Variants in PIK3C2G observed in about 807,000 individuals in gnomAD.
PIK3C2G encodes phosphatidylinositol 3-kinase C2 domain-containing subunit gamma.
In PIK3C2G, 168 loss-of-function variants were observed where a neutral mutation model predicts 181.1. The ratio of observed to expected loss-of-function variants is 0.93; its 90% CI spans 0.82 to 1.05. The LOEUF is 1.05. PIK3C2G is among the 50% of genes least tolerant of loss of function. PIK3C2G has a pLI of 0.00. For synonymous variants in PIK3C2G, 573 were observed against 592.2 expected (o/e 0.97, Z 0.47); for missense variants, 1,869 against 1,732.8 (o/e 1.08, Z -1.40).
chr12:18,595,446 G>A (rs934709595), intron 30 of PIK3C2G, among the ~76,000 whole-genome samples: 17 of 152,050 alleles, frequency 1.1e-4, no homozygotes, highest in Non-Finnish European at 2.5e-4. Context: ...AATTAAGAGG[G>A]TGGATTCCAG....
At chr12:18,255,134 T>G (rs1211298531) in intron 1 of PIK3C2G, among the ~76,000 whole-genome samples, 1 of 151,572 alleles carries the variant, frequency 6.6e-6, no homozygotes, top group African/African-American at 2.4e-5. Flanking sequence ...GAGAATCACT[T>G]GAACTCAGGA....
chr12:18,392,847 T>G (rs1236585797), intron 15 of PIK3C2G, among the ~76,000 whole-genome samples: 4 of 152,108 alleles, frequency 2.6e-5, no homozygotes, highest in Admixed American at 6.6e-5. Flanking sequence ...GAATTGACCT[T>G]GCATAGTTTC....
chr12:18,619,743 T>A (rs911350770), intron 31 of PIK3C2G, among the ~76,000 whole-genome samples: 1 of 346 alleles, frequency 2.9e-3, no homozygotes, highest in African/African-American at 0.013. Flanking sequence ...TGATTTTAAT[T>A]TTTTTTTTTT....
Position 18,366,905 on chromosome 12 carries a change from G to T in PIK3C2G, c.1748+4019G>T, listed in dbSNP as rs1941685016. ...GCTTTAAAAATTCATAGGTATTAAAGAATGGATAAATAACTCCTTGGGAAG... is the reference window on the plus strand; with the variant it reads ...GCTTTAAAAATTCATAGGTATTAAATAATGGATAAATAACTCCTTGGGAAG... On this transcript the variant is annotated intron_variant, in intron 12 of 32. Coordinates refer to ENST00000538779, the MANE Select transcript of PIK3C2G (RefSeq NM_001288772.2). Among the ~76,000 whole-genome samples, 6 of 152,096 alleles carry T rather than the reference G, an allele frequency of 3.9e-5. No homozygotes were observed. In the South Asian group the frequency reaches 1.2e-3, roughly 32 times the overall value.
At chr12:18,291,165 T>C (rs1949677426) in intron 4 of PIK3C2G, among the ~76,000 whole-genome samples, 153 bp downstream of exon 4, 1 of 152,206 alleles carries the variant, frequency 6.6e-6, no homozygotes, top group Admixed American at 6.5e-5. Context: ...ATCCATTTGT[T>C]AATACTTAAG....
chr12:18,336,312 C>A (rs980714500), intron 8 of PIK3C2G, among the ~76,000 whole-genome samples: 1 of 152,048 alleles, frequency 6.6e-6, no homozygotes, highest in Non-Finnish European at 1.5e-5. Flanking sequence ...TAGAAAGGGG[C>A]AGAACCAGGG....
intron 1 of PIK3C2G, among the ~76,000 whole-genome samples, chr12:18,263,507 A>T (rs1948342172): frequency 6.6e-6 from 1 of 152,146 alleles, no homozygotes; most frequent in African/African-American, 2.4e-5. Flanking sequence ...TACTTCCATT[A>T]TAAATGTGGC....
intron 16 of PIK3C2G, among the ~76,000 whole-genome samples, chr12:18,402,334 A>C (rs1469022216): frequency 1.3e-5 from 2 of 152,142 alleles, no homozygotes; most frequent in Admixed American, 1.3e-4. Context: ...AAAGCTCTAC[A>C]GACAGAAAGT....
chr12:18,701,498 C>T, the PIK3C2G span: 3 of 1,614,044 alleles, frequency 1.9e-6, no homozygotes, highest in South Asian at 3.3e-5. Context: ...AACACCACCT[C>T]ACCTTCTTTT....
chr12:18,465,160 A>C (rs1451952182), intron 18 of PIK3C2G, among the ~76,000 whole-genome samples: 1 of 151,938 alleles, frequency 6.6e-6, no homozygotes. Context: ...TCAGTCAAAA[A>C]ACATACAAAA....
intron 24 of PIK3C2G, among the ~76,000 whole-genome samples, chr12:18,520,201 T>C (rs764244099): frequency 4.6e-5 from 7 of 151,964 alleles, no homozygotes; most frequent in Non-Finnish European, 8.8e-5. Flanking sequence ...TGTCTTGGGA[T>C]TGATCTTCTC....
chr12:18,646,412 G>A (rs187056673), intron 32 of PIK3C2G, among the ~76,000 whole-genome samples: 11 of 152,214 alleles, frequency 7.2e-5, no homozygotes, highest in East Asian at 1.9e-4. Context: ...GACCGCATTC[G>A]CATATCATAT....
At chr12:18,336,864 A>C (rs1305178249) in intron 8 of PIK3C2G, among the ~76,000 whole-genome samples, 2 of 152,128 alleles carry the variant, frequency 1.3e-5, no homozygotes, top group Admixed American at 6.6e-5. Context: ...GTAAAATTAC[A>C]TATCAGAGAT....
At chr12:18,638,460 A>G (rs1226625747) in intron 31 of PIK3C2G, among the ~76,000 whole-genome samples, 1 of 152,104 alleles carries the variant, frequency 6.6e-6, no homozygotes, top group African/African-American at 2.4e-5. Flanking sequence ...ACAGAATCTC[A>G]TCAATGCTTC....
intron 14 of PIK3C2G, among the ~76,000 whole-genome samples, chr12:18,382,394 T>C (rs1156554577): frequency 6.6e-6 from 1 of 152,158 alleles, no homozygotes; most frequent in Admixed American, 6.6e-5. Flanking sequence ...AAAAGAAAGG[T>C]GGTAAATGAC....
At position 18,304,150 on chromosome 12, in the gene PIK3C2G, T is replaced by C. The variant is rs1043997828; in HGVS notation, c.1035-9812T>C. Among the ~76,000 whole-genome samples the C allele has an allele frequency of 1.8e-4, 27 of 152,190 alleles. 1 individual carries two copies. Among genetic ancestry groups the C allele is most frequent in the Non-Finnish European group, 2.9e-5 (2 of 68,028 alleles). On this transcript the variant is annotated intron_variant, in intron 5 of 32. Transcript: ENST00000538779. ...CATTCCTTTTATTAGAGTACAAAAATAGTTTTACAAAATTAAATCCTTTTA... is the reference window on the plus strand; with the variant it reads ...CATTCCTTTTATTAGAGTACAAAAACAGTTTTACAAAATTAAATCCTTTTA...
At chr12:18,601,229 A>G (rs910467588) in intron 30 of PIK3C2G, among the ~76,000 whole-genome samples, 1 of 151,906 alleles carries the variant, frequency 6.6e-6, no homozygotes, top group Non-Finnish European at 1.5e-5. Context: ...AGACCCTGAA[A>G]AGGCATTTGA....
chr12:18,685,732 C>A, the PIK3C2G span: 3 of 477,006 alleles, frequency 6.3e-6, no homozygotes, highest in South Asian at 1.5e-5. Context: ...TGCAAAACAT[C>A]TGCAGAAATG....
chr12:18,377,178 A>G (rs1942506719), intron 13 of PIK3C2G, among the ~76,000 whole-genome samples: 1 of 152,170 alleles, frequency 6.6e-6, no homozygotes, highest in Admixed American at 6.6e-5. Context: ...ATGGGCACAT[A>G]GAATATTATG....
Sources: allele counts gnomAD v4.1 joint callset (sites outside exome capture counted in the v4.1 genomes callset), GRCh38; gene constraint gnomAD v4.1.1; transcripts MANE v1.5; gene names NCBI Gene and HGNC (gene_info 2026-07-23, HGNC 2026-07-21).